The following FHIP1B variants were observed in gnomAD, a reference collection of about 807,000 sequenced individuals.
FHIP1B encodes the protein FHF complex subunit HOOK-interacting protein 1B.
In FHIP1B, 28 loss-of-function variants were observed where a neutral mutation model predicts 82.2. That is an observed-to-expected ratio of 0.34 (90% CI 0.25 to 0.47). The LOEUF (loss-of-function observed/expected upper bound fraction) is 0.47, where lower values mean the gene tolerates loss of function less well. FHIP1B is among the 20% of genes least tolerant of loss of function. FHIP1B has a pLI of 1.00. For synonymous variants in FHIP1B, 585 were observed against 516.1 expected, an observed-to-expected ratio of 1.13 and a Z score of -1.81; for missense variants, 1,110 against 1,262.6, an observed-to-expected ratio of 0.88 and a Z score of 1.83.
At chr11:6,232,969 C>G (rs571568191) in intron 1 of FHIP1B, among the ~76,000 whole-genome samples, 4 of 152,132 alleles carry the variant, frequency 2.6e-5, no homozygotes, top group Admixed American at 2.6e-4. Context: ...CATGAATAAC[C>G]ATACTGTCTT....
chr11:6,214,495 T>C lies in FHIP1B; in HGVS notation c.2473A>G (p.Lys825Glu). Reference protein sequence around the residue: ...EDFPALLSKAKKYLIARGKLD... With the variant: ...EDFPALLSKAEKYLIARGKLD... ...TTGCCACGGGCAATGAGGTACTTCT[T>C]GGCTTTGGACAGCAGTGCTGGGAAG... Residue 825 changes from lysine (K) to glutamate (E), a missense_variant, in exon 11 of 12, where the codon AAG becomes GAG. Around this residue, in one of 6 missense-constraint regions of FHIP1B, gnomAD observed 147 missense variants for 154.0 expected, o/e 0.95. Coordinates refer to ENST00000449352, the MANE Select transcript of FHIP1B (RefSeq NM_001098794.2). The C allele has an allele frequency of 6.2e-7, 1 of 1,614,206 alleles. No homozygotes were observed. The highest frequency in any genetic ancestry group is 8.5e-7 in the Non-Finnish European group (1 of 1,180,022).
In FHIP1B at chr11:6,214,543, T is replaced by A. The variant is rs1428597382; in HGVS notation, c.2425A>T (p.Asn809Tyr). The change falls in exon 11 of 12, where the codon AAC (asparagine) becomes TAC (tyrosine). Residue 809 changes from asparagine to tyrosine, a missense_variant. Physicochemically the swap from Asn to Tyr is moderately radical, Grantham distance 143. This residue lies in a region of FHIP1B where 39 missense variants were observed against 79.6 expected (regional missense o/e 0.49). Coordinates refer to ENST00000449352, the MANE Select transcript of FHIP1B (RefSeq NM_001098794.2). ...VLGSVKNKIE[N>Y]FAASQEDFPA... is the part of the protein sequence containing the mutation. ...AAGTCCTCCTGGGAAGCCGCAAAGT[T>A]CTCAATCTTATTCTTCACAGAGCCC... The A allele has an allele frequency of 6.2e-7, 1 of 1,613,720 alleles. No homozygotes were observed. Among genetic ancestry groups the A allele is most frequent in the African/African-American group, 1.3e-5 (1 of 74,906 alleles).
rs1252491471 is a variant in FHIP1B, at chr11:6,224,138, G to T, written c.249C>A (p.Asp83Glu). ...TYQMLTLLAE[D>E]RAVPSAPTGP... is the part of the protein sequence containing the mutation. ...CTGTGGGGGCCGAGGGAACTGCACG[G>T]TCCTCTGCCAGCAGTGTCAACATCT... The change falls in exon 3 of 12, where the codon GAC becomes GAA. Residue 83 changes from aspartate to glutamate, a missense_variant. By Grantham distance (45) the Asp-to-Glu change is conservative. Coordinates refer to ENST00000449352, the MANE Select transcript of FHIP1B (RefSeq NM_001098794.2). 6.2e-7 allele frequency: 1 copy of T among 1,613,920 alleles called. No individual in the cohort carries two copies. Among genetic ancestry groups the T allele is most frequent in the Non-Finnish European group, 8.5e-7 (1 of 1,180,018 alleles).
At chr11:6,212,959 T>A (rs1847114081) in intron 11 of FHIP1B, among the ~76,000 whole-genome samples, 1 of 152,208 alleles carries the variant, frequency 6.6e-6, no homozygotes, top group South Asian at 2.1e-4. Flanking sequence ...GGAAGCCTCC[T>A]CTGATTTGTC....
chr11:6,218,648 G>A lies in FHIP1B; in HGVS notation c.1387C>T (p.His463Tyr), dbSNP rs199767800. The A allele has an allele frequency of 1.4e-5, 22 of 1,614,056 alleles. No individual in the cohort carries two copies. The highest frequency in any genetic ancestry group is 1.9e-5 in the Non-Finnish European group (22 of 1,180,044). ...GGACGAGGTGGGCTGGGGGCGTGGT[G>A]CCGACAACAGCGTGGGATTAGGGAG... ...FLSLIPRCCR[H>Y]HAPSPPRPEH... The change falls in exon 8 of 12, where the codon CAC (histidine) becomes TAC (tyrosine). Residue 463 changes from histidine to tyrosine, a missense_variant. Around this residue, in one of 6 missense-constraint regions of FHIP1B, gnomAD observed 418 missense variants for 371.4 expected, o/e 1.13. Transcript: ENST00000449352.
At position 6,214,914 on chromosome 11, in the gene FHIP1B, G is replaced by A. The variant is rs1847182548; in HGVS notation, c.2216-3C>T. The A allele has an allele frequency of 1.9e-6, 3 of 1,551,864 alleles. No homozygotes were observed. The African/African-American group carries it at 4.1e-5, about 21-fold the overall frequency. On this transcript the variant is annotated splice_region_variant and splice_polypyrimidine_tract_variant and intron_variant, in intron 9 of 11. Transcript: ENST00000449352. The stretch of plus-strand genomic sequence containing the variant: ...AAAGAGCACAGCCATGAAGGGGCCT[G>A]GGTTGGGGGGGAGGTGGGCACAAGG...
At position 6,217,356 on chromosome 11, in the gene FHIP1B, G is replaced by A; in HGVS notation, c.2215+15C>T. The A allele has an allele frequency of 1.2e-6, 2 of 1,610,438 alleles. No homozygotes were observed. Among genetic ancestry groups the A allele is most frequent in the Non-Finnish European group, 1.7e-6 (2 of 1,176,906 alleles). On this transcript the variant is annotated intron_variant, in intron 9 of 11. Coordinates refer to ENST00000449352, the MANE Select transcript of FHIP1B (RefSeq NM_001098794.2). The stretch of plus-strand genomic sequence containing the variant: ...AAGAGTACACAGAAGGGAAGGCCTA[G>A]GCTAAGTAGCTTACCAGTGAAGGGC...
At chr11:6,213,077 T>G (rs187711560) in intron 11 of FHIP1B, among the ~76,000 whole-genome samples, 1 of 152,208 alleles carries the variant, frequency 6.6e-6, no homozygotes, top group South Asian at 2.1e-4. Context: ...GACTGTGTCT[T>G]GTCTACCTTG....
At chr11:6,220,588 C>G (rs1428840888) in intron 6 of FHIP1B, among the ~76,000 whole-genome samples, 3 of 152,120 alleles carry the variant, frequency 2.0e-5, no homozygotes, top group African/African-American at 7.2e-5. Context: ...TTGAAAGGAC[C>G]ACAGTGGAAA....
At chr11:6,218,440 G>A (rs1847310732) in intron 8 of FHIP1B, 160 bp downstream of exon 8, 2 of 1,144,606 alleles carry the variant, frequency 1.7e-6, no homozygotes, top group Non-Finnish European at 1.2e-6. Context: ...AGTGTTAAGG[G>A]TCCTCCCTGC....
chr11:6,218,877 CATGAGTAACCCCTAT>C, intron 7 of FHIP1B, 79 bp downstream of exon 7: 1 of 1,563,676 alleles, frequency 6.4e-7, no homozygotes, highest in Non-Finnish European at 8.8e-7. Context: ...AGTGGAAACT[CATGAGTAACCCCTAT>C]ATAGCCCATT....
chr11:6,216,257 ATGGCCAGCAT>A (rs1386962742), intron 9 of FHIP1B, among the ~76,000 whole-genome samples: 1 of 152,230 alleles, frequency 6.6e-6, no homozygotes, highest in Non-Finnish European at 1.5e-5. Flanking sequence ...TATGAGCAGG[ATGGCCAGCAT>A]CTCCCAGGCC....
rs192745137 is a variant in FHIP1B at position 6,213,598 on chromosome 11, C to T, written c.2557+813G>A. ...AATTCCCTGTACTAAAGACAATGCC[C>T]GGCACACATTGCAAATGTTCAAGAT... On this transcript the variant is annotated intron_variant, in intron 11 of 11. Transcript: ENST00000449352. Among the ~76,000 whole-genome samples the T allele has an allele frequency of 4.6e-5, 7 of 152,248 alleles. No individual in the cohort carries two copies. The East Asian group carries it at 7.7e-4, about 17-fold the overall frequency.
chr11:6,213,775 C>G (rs576051064), intron 11 of FHIP1B, among the ~76,000 whole-genome samples: 1 of 152,196 alleles, frequency 6.6e-6, no homozygotes, highest in Admixed American at 6.5e-5. Context: ...CTAATTCAAG[C>G]CTCCCTGGTA....
rs761545739 is a variant in FHIP1B, at chr11:6,224,501, A to G, written c.16T>C (p.Trp6Arg). MERMN[W>R]LSRLASRGPG... is the part of the protein sequence containing the mutation. ...CCCCGGGAGGCCAGTCTGCTCAGCC[A>G]ATTCATCCTCTCCATGAGGCAGGCT... Residue 6 changes from tryptophan (W) to arginine (R), a missense_variant, in exon 2 of 12, where the codon TGG (tryptophan) becomes CGG (arginine). By Grantham distance (101) the Trp-to-Arg change is moderately radical. This residue lies in a region of FHIP1B where 467 missense variants were observed against 602.9 expected (regional missense o/e 0.77). Transcript: ENST00000449352. The G allele has an allele frequency of 1.2e-6, 2 of 1,612,880 alleles. No individual in the cohort carries two copies. The highest frequency in any genetic ancestry group is 2.2e-5 in the South Asian group (2 of 90,950).
intron 8 of FHIP1B, 142 bp downstream of exon 8, chr11:6,218,458 C>T (rs1319717044): frequency 7.6e-7 from 1 of 1,307,692 alleles, no homozygotes; most frequent in Non-Finnish European, 1.1e-6. Flanking sequence ...TGCAAGACAC[C>T]CTCATCAACC....
At chr11:6,228,591 G>A (rs1288396323) in intron 1 of FHIP1B, among the ~76,000 whole-genome samples, 3 of 152,094 alleles carry the variant, frequency 2.0e-5, no homozygotes, top group African/African-American at 7.2e-5. Flanking sequence ...AATAAATAAA[G>A]GATGGATGCT....
At chr11:6,218,424 T>C (rs1312982781) in intron 8 of FHIP1B, 176 bp downstream of exon 8, 11 of 1,018,834 alleles carry the variant, frequency 1.1e-5, no homozygotes, top group East Asian at 2.5e-5. Flanking sequence ...CTAATTTTCT[T>C]TGGTGAGTGT....
chr11:6,214,928 G>A lies in FHIP1B; in HGVS notation c.2216-17C>T, dbSNP rs1847183810. ...TGAAGGGGCCTGGGTTGGGGGGGAG[G>A]TGGGCACAAGGATACAAAGCCTGAA... On this transcript the variant is annotated splice_polypyrimidine_tract_variant and intron_variant, in intron 9 of 11. Coordinates refer to ENST00000449352, the MANE Select transcript of FHIP1B (RefSeq NM_001098794.2). 2 of 1,533,896 alleles carry A rather than the reference G, an allele frequency of 1.3e-6. No individual in the cohort carries two copies. The highest frequency in any genetic ancestry group is 1.4e-5 in the African/African-American group (1 of 72,468).
Sources: allele counts gnomAD v4.1 joint callset (sites outside exome capture counted in the v4.1 genomes callset), GRCh38; gene constraint gnomAD v4.1.1; regional missense constraint gnomAD v4.1.1; transcripts MANE v1.5; gene names NCBI Gene and HGNC (gene_info 2026-07-23, HGNC 2026-07-21).